NSF: variants seen among roughly 807,000 people sequenced by gnomAD.
The protein encoded by NSF is vesicle-fusing ATPase.
In NSF, 14 loss-of-function variants were observed where a neutral mutation model predicts 50.3. The observed-to-expected ratio is 0.28, with a 90% CI of 0.18 to 0.44. The LOEUF is 0.44. NSF is among the 20% of genes least tolerant of loss of function. The pLI is 1.00. For synonymous variants in NSF, 109 were observed against 175.7 expected (o/e 0.62, Z 3.00); for missense variants, 218 against 504.3 (o/e 0.43, Z 5.44).
intron 17 of NSF, among the ~76,000 whole-genome samples, chr17:46,740,788 A>G (rs1017604389): frequency 1.3e-5 from 2 of 152,010 alleles, no homozygotes; most frequent in Non-Finnish European, 2.9e-5. Flanking sequence ...CAGCCCCACA[A>G]GTAGCTGGGA....
intron 1 of NSF, among the ~76,000 whole-genome samples, chr17:46,598,468 T>C (rs1239999957): frequency 1.3e-5 from 2 of 152,080 alleles, no homozygotes; most frequent in African/African-American, 2.4e-5. Flanking sequence ...ACACATACTT[T>C]AGTGCAAATA....
chr17:46,608,186 TG>T, intron 1 of NSF, among the ~76,000 whole-genome samples: 1 of 98,558 alleles, frequency 1.0e-5, no homozygotes, highest in Non-Finnish European at 1.9e-5. Context: ...GGCGGGTGCC[TG>T]TAGTCCTAGC....
At chr17:46,729,066 C>T (rs1053748055) in intron 17 of NSF, 132 bp downstream of exon 17, 24 of 576,252 alleles carry the variant, frequency 4.2e-5, no homozygotes, top group Non-Finnish European at 6.5e-5. Flanking sequence ...TTTGAAAGGT[C>T]GTCCAGTCTT....
chr17:46,746,790 T>C (rs1210002302), intron 17 of NSF, among the ~76,000 whole-genome samples: 1 of 152,244 alleles, frequency 6.6e-6, no homozygotes, highest in Non-Finnish European at 1.5e-5. Flanking sequence ...AAATGACTTA[T>C]ATCTGTGAGA....
At chr17:46,729,018 A>G in intron 17 of NSF, 84 bp downstream of exon 17, 1 of 838,816 alleles carries the variant, frequency 1.2e-6, no homozygotes, top group East Asian at 2.7e-5. Flanking sequence ...TTAAATAAGC[A>G]GGTTATCATA....
intron 16 of NSF, 79 bp downstream of exon 16, chr17:46,726,694 A>T: frequency 8.1e-7 from 1 of 1,229,782 alleles, no homozygotes; most frequent in Non-Finnish European, 1.2e-6. Context: ...GAAAATTAAC[A>T]AGTATTTATA....
rs2058803141 is a variant in NSF, at chr17:46,719,098, A to AT, written c.1761+5118dup. Among the ~76,000 whole-genome samples the AT allele has an allele frequency of 3.3e-5, 5 of 152,226 alleles. No homozygotes were observed. The highest frequency in any genetic ancestry group is 2.6e-4 in the Admixed American group (4 of 15,286). The stretch of plus-strand genomic sequence containing the variant: ...CACCCGTACTTGATATTATTAAAAT[A>AT]TTTTTTGCCAGTTGGATAAGCAGAA... On this transcript the variant is annotated intron_variant, in intron 15 of 20. Coordinates refer to ENST00000398238, the MANE Select transcript of NSF (RefSeq NM_006178.4). The surrounding 1 kb of genome is among the most constrained non-coding windows in gnomAD (Gnocchi z 4.3).
chr17:46,728,147 G>A (rs1255166773), intron 16 of NSF, among the ~76,000 whole-genome samples: 1 of 152,172 alleles, frequency 6.6e-6, no homozygotes, highest in Non-Finnish European at 1.5e-5. Context: ...AGCTAAGCAG[G>A]TGGCATTTAC....
chr17:46,684,600 C>T (rs1278463869), intron 9 of NSF, among the ~76,000 whole-genome samples: 1 of 152,106 alleles, frequency 6.6e-6, no homozygotes, highest in Non-Finnish European at 1.5e-5. Context: ...TAATGCCACA[C>T]ATCTACAACC....
chr17:46,716,504 G>A (rs967029099), intron 15 of NSF, among the ~76,000 whole-genome samples: 1 of 152,198 alleles, frequency 6.6e-6, no homozygotes, highest in South Asian at 2.1e-4. Context: ...TGATCCGCAC[G>A]CCTCAGCCTC....
chr17:46,635,818 T>TGTGTGTGTGTGTGTGTGTGC (rs1208936942), intron 4 of NSF, among the ~76,000 whole-genome samples: 7 of 138,352 alleles, frequency 5.1e-5, no homozygotes, highest in African/African-American at 1.6e-4. Flanking sequence ...TGTGTGTGTG[T>TGTGTGTGTGTGTGTGTGTGC]GCTCGTGTGT....
At position 46,719,449 on chromosome 17, in the gene NSF, CAATT is replaced by C. The variant is rs969144280; in HGVS notation, c.1761+5468_1761+5471del. Among the ~76,000 whole-genome samples the C allele has an allele frequency of 4.6e-5, 7 of 152,224 alleles. No homozygotes were observed. Among genetic ancestry groups the C allele is most frequent in the African/African-American group, 1.4e-4 (6 of 41,532 alleles). On this transcript the variant is annotated intron_variant, in intron 15 of 20. Transcript: ENST00000398238. This position sits in a 1 kb window ranked among gnomAD's most constrained non-coding sequence, Gnocchi z 4.3. ...AAAATACGTGAAAGTAGTTTATTCT[CAATT>C]AATTTAAAATTCACCTTGTACTTCT...
intron 15 of NSF, among the ~76,000 whole-genome samples, chr17:46,724,407 A>G (rs2058865654): frequency 6.6e-6 from 1 of 152,206 alleles, no homozygotes; most frequent in Non-Finnish European, 1.5e-5. Flanking sequence ...CTAATAGATA[A>G]TAGAGGCCCC....
intron 14 of NSF, among the ~76,000 whole-genome samples, chr17:46,712,624 G>A (rs967704897): frequency 2.6e-5 from 4 of 152,210 alleles, no homozygotes; most frequent in African/African-American, 9.7e-5. Flanking sequence ...ATGTGGGTCT[G>A]GCTAGCAGTA....
intron 17 of NSF, among the ~76,000 whole-genome samples, chr17:46,739,484 A>G (rs2059046393): frequency 6.6e-6 from 1 of 150,636 alleles, no homozygotes; most frequent in Non-Finnish European, 1.5e-5. Flanking sequence ...GGCTGCAGTG[A>G]GTGGAGATCA....
At chr17:46,606,121 G>GTGAGCCGAAATCACGCCAT (rs1426317906) in intron 1 of NSF, among the ~76,000 whole-genome samples, 1 of 59,504 alleles carries the variant, frequency 1.7e-5, no homozygotes, top group Non-Finnish European at 2.8e-5. Context: ...AGAGGTTGCA[G>GTGAGCCGAAATCACGCCAT]TGAGCCGAAA....
intron 17 of NSF, among the ~76,000 whole-genome samples, chr17:46,737,467 C>T (rs1042043309): frequency 6.6e-6 from 1 of 152,056 alleles, no homozygotes; most frequent in Non-Finnish European, 1.5e-5. Flanking sequence ...GAAGAGGGTG[C>T]CTTTTAGCTC....
rs377527013 is a variant in NSF at position 46,662,031 on chromosome 17, T to C, written c.746-12383T>C. On this transcript the variant is annotated intron_variant, in intron 8 of 20. Transcript: ENST00000398238. ...TGGCCTTTTGTATTTTTAGTAGAGA[T>C]GAGGTTTCACCACGTTGCCCAGGCT... 2.5e-3 allele frequency among the ~76,000 whole-genome samples: 269 copies of C among 109,408 alleles called. 11 individuals carry two copies. The East Asian group carries it at 0.054, about 22-fold the overall frequency. 71.8% of individuals were successfully genotyped at this position (109,408 alleles called of 152,430 possible).
intron 17 of NSF, among the ~76,000 whole-genome samples, chr17:46,739,995 A>T (rs2059053724): frequency 6.6e-6 from 1 of 152,134 alleles, no homozygotes; most frequent in Admixed American, 6.5e-5. Context: ...CTGATTTTAA[A>T]AGAAATTAGA....
Sources: allele counts gnomAD v4.1 joint callset (sites outside exome capture counted in the v4.1 genomes callset), GRCh38; gene constraint gnomAD v4.1.1; non-coding constraint Gnocchi (gnomAD v3.1); transcripts MANE v1.5; gene names NCBI Gene and HGNC (gene_info 2026-07-23, HGNC 2026-07-21).